The following EXOC6B variants were observed in gnomAD, a reference collection of about 807,000 sequenced individuals.
The protein encoded by EXOC6B is exocyst complex component 6B.
EXOC6B carries 54 observed loss-of-function variants against 113.5 expected under a neutral mutation model. The observed-to-expected ratio is 0.48, with a 90% CI of 0.38 to 0.60. The LOEUF (loss-of-function observed/expected upper bound fraction) is 0.60. Ranked by LOEUF, EXOC6B falls within the 20% of genes least tolerant of loss-of-function variation. The probability of loss-of-function intolerance (pLI) is 0.00; values close to 1 mark genes in which losing one functional copy is unlikely to be tolerated. For missense variants in EXOC6B, 797 were observed against 977.5 expected, an observed-to-expected ratio of 0.82 and a Z score of 2.46; for synonymous variants, 357 against 339.0, an observed-to-expected ratio of 1.05 and a Z score of -0.58.
intron 18 of EXOC6B, among the ~76,000 whole-genome samples, chr2:72,404,157 G>C (rs1558634337): frequency 6.6e-6 from 1 of 152,152 alleles, no homozygotes; most frequent in African/African-American, 2.4e-5. Flanking sequence ...CGGGGAGGCT[G>C]GGGGAGGGGC....
Position 72,177,114 on chromosome 2 carries a change from A to C in EXOC6B, c.*2221T>G, listed in dbSNP as rs1677779666. On this transcript the variant is annotated 3_prime_UTR_variant, in exon 22 of 22. Coordinates refer to ENST00000272427, the MANE Select transcript of EXOC6B (RefSeq NM_015189.3). ...GTGAAGGCAGACTAAGAATGGAGAG[A>C]AGATATATCAAAGGGTCCATCTTTA... 1 of 152,100 alleles carries C rather than the reference A, an allele frequency of 6.6e-6. No homozygotes were observed. The highest frequency in any genetic ancestry group is 2.4e-5 in the African/African-American group (1 of 41,396). The allele number at this position is 152,100 out of a possible 1,614,324, so 9.4% of individuals were successfully genotyped here.
Position 72,457,413 on chromosome 2 carries a change from T to C in EXOC6B, c.1980+7747A>G, listed in dbSNP as rs185039641. 5.4e-3 allele frequency among the ~76,000 whole-genome samples: 816 copies of C among 152,202 alleles called. 8 individuals are homozygous for C. Among genetic ancestry groups the C allele is most frequent in the African/African-American group, 0.019 (780 of 41,546 alleles). On this transcript the variant is annotated intron_variant, in intron 18 of 21. Coordinates refer to ENST00000272427, the MANE Select transcript of EXOC6B (RefSeq NM_015189.3). ...GTAAGGCCAGGGATAGGTATCATTG[T>C]ATTACTAGACAAAGAAACTAGGAGA...
chr2:72,264,448 A>G (rs1683926726), intron 20 of EXOC6B, among the ~76,000 whole-genome samples: 1 of 152,092 alleles, frequency 6.6e-6, no homozygotes, highest in Non-Finnish European at 1.5e-5. Context: ...GCAGGTGCCT[A>G]TAATCCCAGC....
At chr2:72,653,299 C>T (rs1006448796) in intron 6 of EXOC6B, among the ~76,000 whole-genome samples, 6 of 146,680 alleles carry the variant, frequency 4.1e-5, no homozygotes, top group Non-Finnish European at 7.5e-5. Flanking sequence ...AGTAAACTAT[C>T]GCAAGAACAA....
chr2:72,199,256 G>A (rs1271941752), intron 20 of EXOC6B, among the ~76,000 whole-genome samples: 4 of 152,166 alleles, frequency 2.6e-5, no homozygotes, highest in African/African-American at 4.8e-5. Context: ...TAAAGGGTAA[G>A]GCTACCTTAC....
At chr2:72,535,615 G>GT (rs1473859810) in intron 8 of EXOC6B, among the ~76,000 whole-genome samples, 4 of 152,164 alleles carry the variant, frequency 2.6e-5, no homozygotes, top group Non-Finnish European at 4.4e-5. Flanking sequence ...GCTCACGCCT[G>GT]TAATTCAAGC....
chr2:72,270,113 T>C (rs1325367297), intron 20 of EXOC6B, among the ~76,000 whole-genome samples: 1 of 152,062 alleles, frequency 6.6e-6, no homozygotes, highest in East Asian at 1.9e-4. Context: ...TATTTTAGGC[T>C]CACAGAAATG....
chr2:72,441,482 G>A (rs1696196923), intron 18 of EXOC6B, among the ~76,000 whole-genome samples: 1 of 150,742 alleles, frequency 6.6e-6, no homozygotes, highest in African/African-American at 2.4e-5. Flanking sequence ...AAATACAATA[G>A]ATAAACCTTT....
intron 6 of EXOC6B, among the ~76,000 whole-genome samples, chr2:72,604,200 G>A (rs559677153): frequency 2.0e-4 from 30 of 152,126 alleles, no homozygotes; most frequent in South Asian, 1.0e-3. Context: ...ACCCAAAGTC[G>A]GTGTTACTGA....
At chr2:72,688,179 C>T (rs1677221647) in intron 6 of EXOC6B, among the ~76,000 whole-genome samples, 1 of 152,124 alleles carries the variant, frequency 6.6e-6, no homozygotes, top group Non-Finnish European at 1.5e-5. Context: ...ACATTAATTG[C>T]TGAGCATGTA....
intron 20 of EXOC6B, among the ~76,000 whole-genome samples, chr2:72,252,442 C>T (rs1282982242): frequency 1.3e-5 from 2 of 152,074 alleles, no homozygotes; most frequent in Non-Finnish European, 2.9e-5. Flanking sequence ...CATTGCACTC[C>T]AGCCTGGGTG....
intron 8 of EXOC6B, among the ~76,000 whole-genome samples, chr2:72,533,816 G>A (rs1196316055): frequency 1.3e-5 from 2 of 152,084 alleles, no homozygotes; most frequent in Non-Finnish European, 2.9e-5. Context: ...CCTTCAGAAT[G>A]TATCATTTTA....
In EXOC6B at chr2:72,307,244, A is replaced by G. The variant is rs146817879; in HGVS notation, c.2196+27703T>C. ...AATCTCGGCCTCCCAGGTTCAAGCG[A>G]TTCCCCTGCCTCGGCCTCCCGAGTT... is the stretch of plus-strand genomic sequence containing the variant. On this transcript the variant is annotated intron_variant, in intron 20 of 21. Coordinates refer to ENST00000272427, the MANE Select transcript of EXOC6B (RefSeq NM_015189.3). Among the ~76,000 whole-genome samples, 724 of 149,570 alleles carry G rather than the reference A, an allele frequency of 4.8e-3. 9 individuals carry two copies. The highest frequency in any genetic ancestry group is 0.017 in the African/African-American group (666 of 39,566).
chr2:72,589,557 G>T (rs988833951), intron 6 of EXOC6B, among the ~76,000 whole-genome samples: 3 of 151,708 alleles, frequency 2.0e-5, no homozygotes, highest in African/African-American at 7.2e-5. Flanking sequence ...TTTGTTAAAA[G>T]AGTAATGTTT....
At chr2:72,503,725 A>T (rs556602540) in intron 11 of EXOC6B, among the ~76,000 whole-genome samples, 5 of 152,264 alleles carry the variant, frequency 3.3e-5, no homozygotes, top group African/African-American at 1.2e-4. Context: ...TACACCTGCT[A>T]GATTATATAG....
intron 1 of EXOC6B, among the ~76,000 whole-genome samples, chr2:72,770,965 T>C (rs1448621935): frequency 6.6e-6 from 1 of 152,168 alleles, no homozygotes; most frequent in Non-Finnish European, 1.5e-5. Flanking sequence ...ATTATTTGAC[T>C]TGACACTAAG....
At chr2:72,361,029 G>T (rs888945770) in intron 19 of EXOC6B, among the ~76,000 whole-genome samples, 2 of 151,226 alleles carry the variant, frequency 1.3e-5, no homozygotes, top group Non-Finnish European at 2.9e-5. Context: ...GTAGCATTTT[G>T]CTCTGCTATG....
intron 6 of EXOC6B, among the ~76,000 whole-genome samples, chr2:72,594,001 G>A (rs1321575453): frequency 6.6e-6 from 1 of 152,126 alleles, no homozygotes; most frequent in African/African-American, 2.4e-5. Context: ...CTGTTGTTAA[G>A]ACAGGCTTTT....
intron 17 of EXOC6B, among the ~76,000 whole-genome samples, chr2:72,472,981 C>A (rs948332550): frequency 6.6e-6 from 1 of 152,004 alleles, no homozygotes; most frequent in East Asian, 1.9e-4. Context: ...GTATTTGTAT[C>A]ATTTCCAATG....
Sources: gnomAD v4.1 joint callset for allele counts (sites outside exome capture counted in the v4.1 genomes callset) on GRCh38, gnomAD v4.1.1 for gene constraint, MANE v1.5 for transcripts, NCBI Gene and HGNC (gene_info 2026-07-23, HGNC 2026-07-21) for gene names.